The following FTCDNL1 variants were observed in gnomAD, a reference collection of about 807,000 sequenced individuals.
FTCDNL1 encodes the protein formiminotransferase cyclodeaminase N-terminal like.
In FTCDNL1, 11 loss-of-function variants were observed where a neutral mutation model predicts 5.9. The observed-to-expected ratio is 1.87, with a 90% CI of 1.18 to 3.10. The LOEUF is 3.10. Ranked by LOEUF, FTCDNL1 falls within the 30% of genes most tolerant of loss-of-function variation. The pLI, the probability that FTCDNL1 is intolerant of heterozygous loss-of-function variation, is 0.00. For synonymous variants in FTCDNL1, 58 were observed against 24.8 expected, an observed-to-expected ratio of 2.34 and a Z score of -3.99; for missense variants, 115 against 65.5, an observed-to-expected ratio of 1.76 and a Z score of -2.61.
intron 4 of FTCDNL1, among the ~76,000 whole-genome samples, chr2:199,814,035 A>G (rs1199964551): frequency 8.5e-5 from 13 of 152,148 alleles, no homozygotes; most frequent in East Asian, 1.9e-4. Flanking sequence ...GTAAAACCCT[A>G]GCCTAAATGT....
At chr2:199,717,943 T>C in the FTCDNL1 span, among the ~76,000 whole-genome samples, 1 of 147,706 alleles carries the variant, frequency 6.8e-6, no homozygotes, top group Non-Finnish European at 1.5e-5. Flanking sequence ...GCAGGAGCAA[T>C]GCCATCATCT....
chr2:199,714,949 G>A, the FTCDNL1 span, among the ~76,000 whole-genome samples: 1 of 145,540 alleles, frequency 6.9e-6, no homozygotes, highest in South Asian at 2.3e-4. Flanking sequence ...GTTGTGGGGT[G>A]GAGGGAGGGG....
chr2:199,737,681 G>A, the FTCDNL1 span, among the ~76,000 whole-genome samples: 3 of 152,176 alleles, frequency 2.0e-5, no homozygotes, highest in African/African-American at 7.2e-5. Flanking sequence ...CACAGAGCTG[G>A]CTTCATAGGC....
At chr2:199,789,301 G>T (rs895508439) in intron 3 of FTCDNL1, among the ~76,000 whole-genome samples, 2 of 152,046 alleles carry the variant, frequency 1.3e-5, no homozygotes, top group Admixed American at 1.3e-4. Flanking sequence ...AGTTTATTTC[G>T]GGAATGCAAG....
the FTCDNL1 span, among the ~76,000 whole-genome samples, chr2:199,730,472 A>T: frequency 6.6e-6 from 1 of 152,234 alleles, no homozygotes; most frequent in Admixed American, 6.5e-5. Flanking sequence ...CAGAATCTAC[A>T]AGGAACTTAA....
At chr2:199,793,772 C>G (rs970279757) in intron 3 of FTCDNL1, among the ~76,000 whole-genome samples, 5 of 152,172 alleles carry the variant, frequency 3.3e-5, no homozygotes, top group African/African-American at 4.8e-5. Context: ...CGACCTAAGA[C>G]CAGCTGTAAT....
chr2:199,738,858 A>G, the FTCDNL1 span, among the ~76,000 whole-genome samples: 595 of 152,324 alleles, frequency 3.9e-3, 4 homozygotes, highest in African/African-American at 0.014. Context: ...ACTATAGCTT[A>G]AGACCCACTT....
intron 3 of FTCDNL1, among the ~76,000 whole-genome samples, chr2:199,822,525 C>T (rs2577852): frequency 0.64 from 97,005 of 152,152 alleles, 31,181 homozygotes; most frequent in South Asian, 0.77. Context: ...TGATGGCTGC[C>T]GAAGGCTGGA....
chr2:199,760,640 A>G, exon 4 of FTCDNL1: 1 of 562,868 alleles, frequency 1.8e-6, no homozygotes, highest in Non-Finnish European at 3.2e-6. Context: ...AATGCAATAT[A>G]CCCTCTATTT....
the FTCDNL1 span, among the ~76,000 whole-genome samples, chr2:199,702,273 T>C: frequency 6.6e-6 from 1 of 152,026 alleles, no homozygotes; most frequent in Admixed American, 6.5e-5. Context: ...CATGTACCCT[T>C]GAACCTAAAA....
At chr2:199,666,281 A>C in the FTCDNL1 span, among the ~76,000 whole-genome samples, 1 of 152,206 alleles carries the variant, frequency 6.6e-6, no homozygotes, top group South Asian at 2.1e-4. Flanking sequence ...AAATAAAGAA[A>C]AAACGCACAC....
At chr2:199,752,941 G>A in the FTCDNL1 span, among the ~76,000 whole-genome samples, 30 of 152,120 alleles carry the variant, frequency 2.0e-4, no homozygotes, top group African/African-American at 5.3e-4. Context: ...AGTTTTTCTC[G>A]TCTGACACAG....
intron 3 of FTCDNL1, among the ~76,000 whole-genome samples, chr2:199,768,422 A>G (rs1007104404): frequency 2.0e-5 from 3 of 152,174 alleles, no homozygotes; most frequent in African/African-American, 4.8e-5. Context: ...TACATTTACT[A>G]CTTTCCAGAC....
the FTCDNL1 span, among the ~76,000 whole-genome samples, chr2:199,747,144 G>A: frequency 2.6e-5 from 4 of 151,964 alleles, no homozygotes; most frequent in African/African-American, 9.7e-5. Flanking sequence ...TGAATTAAGT[G>A]TAAATGAATC....
intron 3 of FTCDNL1, among the ~76,000 whole-genome samples, chr2:199,768,602 G>T (rs540870469): frequency 3.2e-4 from 48 of 151,856 alleles, no homozygotes; most frequent in Admixed American, 5.9e-4. Flanking sequence ...GAAATCAGAA[G>T]GAAGAATAAG....
intron 3 of FTCDNL1, among the ~76,000 whole-genome samples, chr2:199,781,969 G>C (rs949853616): frequency 2.0e-5 from 3 of 152,040 alleles, no homozygotes; most frequent in African/African-American, 7.2e-5. Context: ...ATTTTTAGTA[G>C]AGACAGGGTT....
chr2:199,673,324 T>G, the FTCDNL1 span, among the ~76,000 whole-genome samples: 2 of 74,450 alleles, frequency 2.7e-5, no homozygotes, highest in African/African-American at 6.9e-5. Flanking sequence ...CAAGACTCTG[T>G]CTCAAAAAAA....
chr2:199,666,168 C>G, the FTCDNL1 span, among the ~76,000 whole-genome samples: 1 of 152,208 alleles, frequency 6.6e-6, no homozygotes, highest in Non-Finnish European at 1.5e-5. Context: ...GCACTAAAGA[C>G]AGTGTTTGCA....
chr2:199,821,162 T>C (rs1432725612), intron 3 of FTCDNL1, among the ~76,000 whole-genome samples: 1 of 152,130 alleles, frequency 6.6e-6, no homozygotes, highest in East Asian at 1.9e-4. Context: ...TGTTTGTTTG[T>C]TTTTTGAGAT....
Sources: gnomAD v4.1 joint callset for allele counts (sites outside exome capture counted in the v4.1 genomes callset) on GRCh38, gnomAD v4.1.1 for gene constraint, MANE v1.5 for transcripts, NCBI Gene and HGNC (gene_info 2026-07-23, HGNC 2026-07-21) for gene names.